XKR9: variants seen among roughly 807,000 people sequenced by gnomAD.
XKR9 encodes XK-related protein 9.
Under a neutral mutation model 32.0 loss-of-function variants are expected in XKR9, and 32 were observed. The ratio of observed to expected loss-of-function variants is 1.00; its 90% CI spans 0.76 to 1.34. XKR9 has a LOEUF of 1.34. Ranked by LOEUF, XKR9 falls within the 40% of genes most tolerant of loss-of-function variation. The pLI is 0.00. For missense variants in XKR9, 546 were observed against 429.7 expected (o/e 1.27, Z -2.39); for synonymous variants, 168 against 143.4 (o/e 1.17, Z -1.22).
chr8:70,925,810 T>C, the XKR9 span, among the ~76,000 whole-genome samples: 2 of 152,090 alleles, frequency 1.3e-5, no homozygotes, highest in African/African-American at 4.8e-5. Flanking sequence ...ACTGGGTATG[T>C]AGGAAATAAC....
At chr8:70,951,372 G>A in the XKR9 span, among the ~76,000 whole-genome samples, 1 of 152,360 alleles carries the variant, frequency 6.6e-6, no homozygotes, top group Non-Finnish European at 1.5e-5. Flanking sequence ...GTTGTGGGGT[G>A]GGGGACAGGG....
At chr8:71,038,959 G>A in the XKR9 span, among the ~76,000 whole-genome samples, 5 of 151,214 alleles carry the variant, frequency 3.3e-5, no homozygotes, top group South Asian at 2.1e-4. Context: ...GCACACCACC[G>A]TACCCGGCTA....
the XKR9 span, among the ~76,000 whole-genome samples, chr8:70,835,368 G>A: frequency 6.6e-6 from 1 of 152,040 alleles, no homozygotes; most frequent in Admixed American, 6.6e-5. Context: ...CAGATCAATT[G>A]GCTAATTCTT....
At chr8:70,976,755 C>T in the XKR9 span, among the ~76,000 whole-genome samples, 1 of 152,158 alleles carries the variant, frequency 6.6e-6, no homozygotes, top group Non-Finnish European at 1.5e-5. Flanking sequence ...GGAGGATTCC[C>T]TCTTTTTCTA....
chr8:70,724,012 C>T (rs1359320149), intron 4 of XKR9, among the ~76,000 whole-genome samples: 4 of 151,636 alleles, frequency 2.6e-5, no homozygotes, highest in Non-Finnish European at 5.9e-5. Flanking sequence ...GGTGTTCTGT[C>T]CCAGGGAGAT....
At chr8:71,056,946 G>C in the XKR9 span, among the ~76,000 whole-genome samples, 1 of 152,126 alleles carries the variant, frequency 6.6e-6, no homozygotes. Flanking sequence ...TTATTATCCT[G>C]AATATGTTGG....
chr8:70,874,891 T>C, the XKR9 span, among the ~76,000 whole-genome samples: 1 of 152,166 alleles, frequency 6.6e-6, no homozygotes, highest in Admixed American at 6.6e-5. Context: ...ATGCCTTTTT[T>C]CCCAATAGTT....
At chr8:70,760,905 C>A (rs1807300045) in intron 2 of XKR9, among the ~76,000 whole-genome samples, 1 of 152,124 alleles carries the variant, frequency 6.6e-6, no homozygotes. Flanking sequence ...CATTGTTCCC[C>A]CTATGTGTCC....
the XKR9 span, among the ~76,000 whole-genome samples, chr8:70,855,339 C>G: frequency 6.6e-6 from 1 of 152,052 alleles, no homozygotes; most frequent in Non-Finnish European, 1.5e-5. Flanking sequence ...ATGCACAAGC[C>G]TCAGTAGCCG....
chr8:70,824,343 T>G, the XKR9 span, among the ~76,000 whole-genome samples: 7 of 152,164 alleles, frequency 4.6e-5, no homozygotes, highest in Non-Finnish European at 8.8e-5. Flanking sequence ...ATTTCTGTAG[T>G]ATAAGTTAAG....
chr8:70,701,768 G>A (rs1006668891), intron 3 of XKR9, among the ~76,000 whole-genome samples: 7 of 152,092 alleles, frequency 4.6e-5, no homozygotes, highest in African/African-American at 1.7e-4. Flanking sequence ...TATTTATTAG[G>A]TATGTGTGCC....
the XKR9 span, among the ~76,000 whole-genome samples, chr8:71,024,956 G>A: frequency 6.6e-6 from 1 of 152,186 alleles, no homozygotes; most frequent in Non-Finnish European, 1.5e-5. Flanking sequence ...CCTTCTTGAA[G>A]CCCCTATAAT....
the XKR9 span, among the ~76,000 whole-genome samples, chr8:71,038,355 C>T: frequency 4.1e-5 from 6 of 146,380 alleles, no homozygotes; most frequent in Admixed American, 4.1e-4. Context: ...CAGTCTCGCT[C>T]CATCACCCAG....
intron 2 of XKR9, among the ~76,000 whole-genome samples, chr8:70,770,768 C>T (rs961889799): frequency 2.6e-5 from 4 of 152,174 alleles, no homozygotes; most frequent in African/African-American, 9.7e-5. Flanking sequence ...CTCCCCCCAC[C>T]AACCTGGAGT....
the XKR9 span, among the ~76,000 whole-genome samples, chr8:70,816,001 A>G: frequency 6.6e-6 from 1 of 152,098 alleles, no homozygotes; most frequent in African/African-American, 2.4e-5. Context: ...TTCTTTGGGT[A>G]TATATCCAGT....
At chr8:71,038,560 C>A in the XKR9 span, among the ~76,000 whole-genome samples, 5 of 151,512 alleles carry the variant, frequency 3.3e-5, no homozygotes, top group Non-Finnish European at 7.4e-5. Flanking sequence ...ACCTCGTGAT[C>A]ACCCACCTCG....
the XKR9 span, among the ~76,000 whole-genome samples, chr8:70,946,940 G>T: frequency 3.9e-5 from 6 of 152,234 alleles, no homozygotes; most frequent in East Asian, 3.9e-4. Context: ...CTTTACAGCC[G>T]AAAGAAGTGT....
chr8:71,011,654 G>A, the XKR9 span, among the ~76,000 whole-genome samples: 1 of 152,134 alleles, frequency 6.6e-6, no homozygotes, highest in Non-Finnish European at 1.5e-5. Context: ...AATTTACATT[G>A]GAATTTCTTT....
intron 4 of XKR9, among the ~76,000 whole-genome samples, chr8:70,725,770 G>A (rs1036291296): frequency 1.3e-5 from 2 of 152,010 alleles, no homozygotes; most frequent in East Asian, 1.9e-4. Context: ...GCTGGGCATG[G>A]TAGTGGTCGC....
Sources: gnomAD v4.1 joint callset for allele counts (sites outside exome capture counted in the v4.1 genomes callset) on GRCh38, gnomAD v4.1.1 for gene constraint, MANE v1.5 for transcripts, NCBI Gene and HGNC (gene_info 2026-07-23, HGNC 2026-07-21) for gene names.